The following ARHGEF28 variants were observed in gnomAD, a reference collection of about 807,000 sequenced individuals.
ARHGEF28 encodes the protein Rho guanine nucleotide exchange factor 28, also known as 190 kDa guanine nucleotide exchange factor.
In ARHGEF28, 152 loss-of-function variants were observed where a neutral mutation model predicts 206.6. That is an observed-to-expected ratio of 0.74 (90% CI 0.64 to 0.84). ARHGEF28 has a LOEUF of 0.84. Among genes scored for constraint, ARHGEF28 ranks in the 40% least tolerant of loss-of-function variants. The pLI, the probability that ARHGEF28 is intolerant of heterozygous loss-of-function variation, is 0.00. For missense variants in ARHGEF28, 2,028 were observed against 2,073.2 expected (o/e 0.98, Z 0.42); for synonymous variants, 763 against 776.4 (o/e 0.98, Z 0.29).
intron 1 of ARHGEF28, among the ~76,000 whole-genome samples, chr5:73,634,630 C>G (rs1743582636): frequency 6.6e-6 from 1 of 152,192 alleles, no homozygotes; most frequent in African/African-American, 2.4e-5. Flanking sequence ...GTCCACAGTT[C>G]CTGATGGATT....
intron 9 of ARHGEF28, among the ~76,000 whole-genome samples, chr5:73,829,708 T>C (rs1211749754): frequency 6.6e-6 from 1 of 152,114 alleles, no homozygotes; most frequent in African/African-American, 2.4e-5. Flanking sequence ...AGGAATAATA[T>C]TGGCTTTCTA....
chr5:73,940,163 C>T (rs1742507816), intron 35 of ARHGEF28, among the ~76,000 whole-genome samples: 1 of 152,116 alleles, frequency 6.6e-6, no homozygotes, highest in Admixed American at 6.6e-5. Context: ...TTTGTCTCTC[C>T]TTGAAAATAT....
In ARHGEF28 at chr5:73,886,609, C is replaced by A. The variant is rs1761316203; in HGVS notation, c.3310+505C>A. ...CTCAGTGCTACTGTTTGCTAACTGG[C>A]ATGAACTTGACTCTGTTCAGGAGTC... is the stretch of plus-strand genomic sequence containing the variant. On this transcript the variant is annotated intron_variant, in intron 25 of 35. Transcript: ENST00000513042. 5.3e-5 allele frequency among the ~76,000 whole-genome samples: 8 copies of A among 152,350 alleles called. No homozygotes were observed. The South Asian group carries it at 1.7e-3, about 32-fold the overall frequency.
chr5:73,928,104 A>G (rs1460637175), intron 35 of ARHGEF28, among the ~76,000 whole-genome samples: 1 of 152,260 alleles, frequency 6.6e-6, no homozygotes, highest in East Asian at 1.9e-4. Flanking sequence ...GTTCTTTGAC[A>G]TCTCATAATT....
rs555439223 is a variant in ARHGEF28, at chr5:73,849,088, G to C, written c.1747+1G>C. 76 of 1,546,822 alleles carry C rather than the reference G, an allele frequency of 4.9e-5. No homozygotes were observed. Among genetic ancestry groups the C allele is most frequent in the Non-Finnish European group, 6.7e-5 (76 of 1,138,124 alleles). ...TTAACAGTATGCAGTTCAAGTGAAG[G>C]TAAGCATCATTTAACATTTGGCTTT... On this transcript the variant is annotated splice_donor_variant, in intron 13 of 35. Transcript: ENST00000513042. LOFTEE classifies it high-confidence loss of function.
chr5:73,752,378 T>C (rs1245771618), intron 3 of ARHGEF28, among the ~76,000 whole-genome samples: 4 of 152,084 alleles, frequency 2.6e-5, no homozygotes, highest in Non-Finnish European at 5.9e-5. Context: ...CACATAGATA[T>C]GTATATATAT....
At chr5:73,689,093 G>A (rs556649921) in intron 2 of ARHGEF28, among the ~76,000 whole-genome samples, 2 of 152,248 alleles carry the variant, frequency 1.3e-5, no homozygotes, top group South Asian at 2.1e-4. Flanking sequence ...TTATGCCCAC[G>A]TAGTTTTATA....
intron 1 of ARHGEF28, among the ~76,000 whole-genome samples, chr5:73,632,178 C>T (rs776537852): frequency 1.3e-5 from 2 of 152,032 alleles, no homozygotes; most frequent in South Asian, 2.1e-4. Flanking sequence ...CCTGGGTATC[C>T]GATGTGGATT....
chr5:73,818,862 A>G (rs1197697157), intron 9 of ARHGEF28, among the ~76,000 whole-genome samples: 1 of 152,224 alleles, frequency 6.6e-6, no homozygotes, highest in Non-Finnish European at 1.5e-5. Flanking sequence ...ATAATTTACT[A>G]TATTCTTGTT....
chr5:73,819,070 C>G (rs7705122), intron 9 of ARHGEF28, among the ~76,000 whole-genome samples: 1,840 of 152,188 alleles, frequency 0.012, 28 homozygotes, highest in African/African-American at 0.039. Context: ...AGCCTGTAAG[C>G]CTGTGGTGAG....
chr5:73,908,683 A>G (rs1164985418), intron 33 of ARHGEF28: 1 of 152,144 alleles, frequency 6.6e-6, no homozygotes, highest in East Asian at 1.9e-4. Context: ...TGGGCTTTAG[A>G]GTATCTATTT....
intron 2 of ARHGEF28, among the ~76,000 whole-genome samples, chr5:73,693,659 C>G (rs559856904): frequency 6.6e-6 from 1 of 152,152 alleles, no homozygotes; most frequent in African/African-American, 2.4e-5. Flanking sequence ...TTGTTTTTAG[C>G]GAATTATATT....
At chr5:73,878,361 G>A (rs1284537810) in intron 22 of ARHGEF28, among the ~76,000 whole-genome samples, 4 of 151,694 alleles carry the variant, frequency 2.6e-5, no homozygotes, top group African/African-American at 9.7e-5. Context: ...ACACTGATGA[G>A]TCTTGACTCT....
chr5:73,781,693 T>C (rs775643176), intron 7 of ARHGEF28, among the ~76,000 whole-genome samples: 2 of 152,230 alleles, frequency 1.3e-5, no homozygotes, highest in Non-Finnish European at 2.9e-5. Flanking sequence ...TCTAACCACA[T>C]TATTGCGTCT....
chr5:73,840,448 T>C, intron 10 of ARHGEF28, 32 bp from the exon 11 acceptor site: 1 of 1,601,316 alleles, frequency 6.2e-7, no homozygotes, highest in Non-Finnish European at 8.5e-7. Context: ...TACCTGCTTT[T>C]ACTCAGGAAA....
At chr5:73,924,231 T>G (rs938970217) in intron 35 of ARHGEF28, among the ~76,000 whole-genome samples, 1 of 152,206 alleles carries the variant, frequency 6.6e-6, no homozygotes, top group African/African-American at 2.4e-5. Context: ...ACACATCAAG[T>G]GCACTTTATT....
At chr5:73,687,687 A>G (rs1747559809) in intron 2 of ARHGEF28, among the ~76,000 whole-genome samples, 2 of 151,826 alleles carry the variant, frequency 1.3e-5, no homozygotes, top group African/African-American at 2.4e-5. Flanking sequence ...AGTTTCTCTT[A>G]GTTTACTAAA....
Position 73,753,037 on chromosome 5 carries a change from G to A in ARHGEF28, c.310G>A (p.Val104Met). 6.2e-7 allele frequency: 1 copy of A among 1,610,378 alleles called. No individual in the cohort carries two copies. The highest frequency in any genetic ancestry group is 8.5e-7 in the Non-Finnish European group (1 of 1,178,434). ...GGCTTGCAGGCTGGCTCGTCTGCTG[G>A]TGACGCAGGCCAATCGCCTCACAGC... is the stretch of plus-strand genomic sequence containing the variant. ...NMACRLARLL[V>M]TQANRLTACS... Residue 104 changes from valine to methionine, a missense_variant, in exon 4 of 36, where the codon GTG becomes ATG. Transcript: ENST00000513042.
At chr5:73,758,626 G>A (rs1462199437) in intron 4 of ARHGEF28, among the ~76,000 whole-genome samples, 1 of 152,086 alleles carries the variant, frequency 6.6e-6, no homozygotes, top group Non-Finnish European at 1.5e-5. Context: ...GATGATATTG[G>A]TTCACTGTGA....
Sources: allele counts gnomAD v4.1 joint callset (sites outside exome capture counted in the v4.1 genomes callset), GRCh38; gene constraint gnomAD v4.1.1; transcripts MANE v1.5; gene names NCBI Gene and HGNC (gene_info 2026-07-23, HGNC 2026-07-21).